Variants in ABLIM2 observed in about 807,000 individuals in gnomAD.
The protein encoded by ABLIM2 is actin-binding LIM protein 2.
In ABLIM2, 53 loss-of-function variants were observed where a neutral mutation model predicts 97.7. The ratio of observed to expected loss-of-function variants is 0.54; its 90% CI spans 0.44 to 0.68. The LOEUF is 0.68. ABLIM2 is among the 30% of genes least tolerant of loss of function. The probability of loss-of-function intolerance (pLI) is 0.00; values close to 1 mark genes in which losing one functional copy is unlikely to be tolerated. For synonymous variants in ABLIM2, 361 were observed against 345.8 expected, an observed-to-expected ratio of 1.04 and a Z score of -0.49; for missense variants, 835 against 867.2, an observed-to-expected ratio of 0.96 and a Z score of 0.47.
rs1781442089 is a variant in ABLIM2, at chr4:8,032,252, GAC to G, written c.1048-2478_1048-2477del. 6.6e-6 allele frequency among the ~76,000 whole-genome samples: 1 copy of G among 151,806 alleles called. No homozygotes were observed. The highest frequency in any genetic ancestry group is 1.5e-5 in the Non-Finnish European group (1 of 67,998). ...AACAGTAAAAGCTCTTTTGTAGAGA[GAC>G]ACGTCCAGTGTTTCTCCACGAGGAC... On this transcript the variant is annotated intron_variant, in intron 10 of 20. Coordinates refer to ENST00000447017, the MANE Select transcript of ABLIM2 (RefSeq NM_001130083.2). This position sits in a 1 kb window ranked among gnomAD's most constrained non-coding sequence, Gnocchi z 4.3.
chr4:8,079,778 G>A (rs73796848), intron 5 of ABLIM2, among the ~76,000 whole-genome samples: 1,657 of 152,220 alleles, frequency 0.011, 30 homozygotes, highest in African/African-American at 0.038. Flanking sequence ...GTGTGTGTGC[G>A]CGCGCCTCAC....
At chr4:8,053,478 A>C (rs1420021588) in intron 8 of ABLIM2, among the ~76,000 whole-genome samples, 1 of 152,162 alleles carries the variant, frequency 6.6e-6, no homozygotes, top group African/African-American at 2.4e-5. Context: ...TTCTAAATTA[A>C]CTGAGACCTG....
At chr4:8,146,696 A>T (rs544038204) in intron 1 of ABLIM2, among the ~76,000 whole-genome samples, 1 of 152,030 alleles carries the variant, frequency 6.6e-6, no homozygotes, top group East Asian at 1.9e-4. Context: ...TGCCCAGCTA[A>T]TTTTTTTATT....
At chr4:8,091,588 AT>A (rs1828272769) in intron 3 of ABLIM2, among the ~76,000 whole-genome samples, 3 of 30,388 alleles carry the variant, frequency 9.9e-5, no homozygotes, top group Non-Finnish European at 1.4e-4. Context: ...ATATAAAATT[AT>A]ATATATAATT....
In ABLIM2 at chr4:8,015,709, G is replaced by C. The variant is rs940054188; in HGVS notation, c.1423+3909C>G. On this transcript the variant is annotated intron_variant, in intron 14 of 20. Coordinates refer to ENST00000447017, the MANE Select transcript of ABLIM2 (RefSeq NM_001130083.2). The surrounding 1 kb of genome is among the most constrained non-coding windows in gnomAD (Gnocchi z 4.6). ...AGTGGTGGGAGGTGTGTGTTGGGGG[G>C]TGAGGAGAGAGCTGCATTGCCATCT... is the stretch of plus-strand genomic sequence containing the variant. 6.6e-6 allele frequency among the ~76,000 whole-genome samples: 1 copy of C among 152,164 alleles called. No homozygotes were observed. Among genetic ancestry groups the C allele is most frequent in the African/African-American group, 2.4e-5 (1 of 41,440 alleles).
In ABLIM2 at chr4:8,003,915, G is replaced by A. The variant is rs547959950; in HGVS notation, c.1618+4144C>T. On this transcript the variant is annotated intron_variant, in intron 16 of 20. Coordinates refer to ENST00000447017, the MANE Select transcript of ABLIM2 (RefSeq NM_001130083.2). The surrounding 1 kb of genome is among the most constrained non-coding windows in gnomAD (Gnocchi z 4.2). Reference sequence around the variant, plus strand: ...ATATTCCATACCTAGGGGGTCTCACGTCTCTAAGCCTGAGGCCAGGTGCCC... The same window carrying A: ...ATATTCCATACCTAGGGGGTCTCACATCTCTAAGCCTGAGGCCAGGTGCCC... Among the ~76,000 whole-genome samples, 8 of 152,216 alleles carry A rather than the reference G, an allele frequency of 5.3e-5. No individual in the cohort carries two copies. The South Asian group carries it at 1.2e-3, about 24-fold the overall frequency.
intron 20 of ABLIM2, among the ~76,000 whole-genome samples, chr4:7,968,447 G>A (rs1051127001): frequency 1.3e-5 from 2 of 152,232 alleles, no homozygotes; most frequent in Non-Finnish European, 2.9e-5. Flanking sequence ...ATCAATGGAC[G>A]AATAGATACA....
chr4:7,968,755 G>C (rs1021484164), intron 20 of ABLIM2, among the ~76,000 whole-genome samples: 1 of 152,094 alleles, frequency 6.6e-6, no homozygotes, highest in Non-Finnish European at 1.5e-5. Flanking sequence ...GAGCTGGAAT[G>C]TTCCGGAGTT....
intron 20 of ABLIM2, among the ~76,000 whole-genome samples, chr4:7,980,776 A>G (rs920397914): frequency 3.3e-5 from 5 of 151,498 alleles, no homozygotes; most frequent in Non-Finnish European, 7.4e-5. Context: ...ACATTCCAGA[A>G]TCCCTTTCCC....
chr4:8,126,792 C>T (rs969205251), intron 1 of ABLIM2, among the ~76,000 whole-genome samples: 15 of 151,950 alleles, frequency 9.9e-5, no homozygotes, highest in African/African-American at 9.7e-5. Flanking sequence ...GATGGCCGGG[C>T]GTGTGGCTCA....
At chr4:8,050,060 G>T (rs1295898120) in intron 8 of ABLIM2, among the ~76,000 whole-genome samples, 1 of 152,140 alleles carries the variant, frequency 6.6e-6, no homozygotes, top group East Asian at 1.9e-4. Flanking sequence ...CCTATAACTT[G>T]GAAGCTCCTG....
intron 1 of ABLIM2, among the ~76,000 whole-genome samples, chr4:8,114,292 G>A (rs1212892794): frequency 6.6e-6 from 1 of 152,220 alleles, no homozygotes; most frequent in Non-Finnish European, 1.5e-5. Context: ...CACACCCTGT[G>A]CCAGCTCTGC....
Position 8,051,968 on chromosome 4 carries a change from C to G in ABLIM2, c.822+2220G>C, listed in dbSNP as rs755937835. The stretch of plus-strand genomic sequence containing the variant: ...GTATATACCTGACTGGTATCCACCC[C>G]ACTTGGGGTTCCCTGTCTTGGCTTT... On this transcript the variant is annotated intron_variant, in intron 8 of 20. Coordinates refer to ENST00000447017, the MANE Select transcript of ABLIM2 (RefSeq NM_001130083.2). Among the ~76,000 whole-genome samples the G allele has an allele frequency of 3.3e-5, 5 of 152,362 alleles. No homozygotes were observed. In the South Asian group the frequency reaches 1.0e-3, roughly 32 times the overall value.
At chr4:7,972,734 G>A (rs1249860428) in intron 20 of ABLIM2, among the ~76,000 whole-genome samples, 3 of 152,082 alleles carry the variant, frequency 2.0e-5, no homozygotes, top group East Asian at 1.9e-4. Flanking sequence ...CCTGACTCCC[G>A]ACGCTTTCTC....
At chr4:8,006,982 G>A (rs1000793340) in intron 16 of ABLIM2, 110 of 977,678 alleles carry the variant, frequency 1.1e-4, no homozygotes, top group Non-Finnish European at 1.2e-4. Flanking sequence ...CCTGAGGGGT[G>A]CACAGACACC....
chr4:7,983,277 C>T lies in ABLIM2; in HGVS notation c.1811G>A (p.Arg604Gln), dbSNP rs201156123. Residue 604 changes from arginine to glutamine, a missense_variant, in exon 20 of 21, where the codon CGG (arginine) becomes CAG (glutamine). Physicochemically the swap from Arg to Gln is conservative, Grantham distance 43 (BLOSUM62 1). Transcript: ENST00000447017. ...TCCCCCGCTTACCTCCAGTCTCGTC[C>T]GGTCCACGTCTTTGGGCAGTTTCAC... ...IRVKLPKDVD[R>Q]TRLERHLSPE... 1.4e-5 allele frequency: 23 copies of T among 1,611,344 alleles called. No individual in the cohort carries two copies. The highest frequency in any genetic ancestry group is 5.6e-5 in the South Asian group (5 of 89,960).
chr4:8,059,776 C>T (rs1237811291), intron 7 of ABLIM2, among the ~76,000 whole-genome samples: 1 of 151,936 alleles, frequency 6.6e-6, no homozygotes, highest in Non-Finnish European at 1.5e-5. Flanking sequence ...TATGGTGGTG[C>T]ATGCCTGTAA....
chr4:8,070,268 G>C (rs531528305), intron 6 of ABLIM2, among the ~76,000 whole-genome samples: 1 of 150,362 alleles, frequency 6.7e-6, no homozygotes, highest in South Asian at 2.2e-4. Flanking sequence ...GTTGTCTGTG[G>C]GTTGTGCATG....
In ABLIM2 at chr4:8,006,877, AGG is replaced by A. The variant is rs35056915; in HGVS notation, c.1618+1180_1618+1181del. 1.8e-4 allele frequency: 59 copies of A among 324,384 alleles called. 1 individual carries two copies. The highest frequency in any genetic ancestry group is 1.1e-4 in the Non-Finnish European group (26 of 229,534). The allele number at this position is 324,384 out of a possible 1,614,324, so 20.1% of individuals were successfully genotyped here. On this transcript the variant is annotated intron_variant, in intron 16 of 20. Coordinates refer to ENST00000447017, the MANE Select transcript of ABLIM2 (RefSeq NM_001130083.2). Reference sequence around the variant, plus strand: ...CCCTCTCCCTCTGGGGGATTTTTGCAGGGGGGGGGTGGCTTTCCCATGGTGAC... The same window carrying A: ...CCCTCTCCCTCTGGGGGATTTTTGCAGGGGGGGTGGCTTTCCCATGGTGAC...
Sources: gnomAD v4.1 joint callset for allele counts (sites outside exome capture counted in the v4.1 genomes callset) on GRCh38, gnomAD v4.1.1 for gene constraint, Gnocchi (gnomAD v3.1) non-coding constraint, MANE v1.5 for transcripts, NCBI Gene and HGNC (gene_info 2026-07-23, HGNC 2026-07-21) for gene names.